Variants in UGT2B10 observed in about 807,000 individuals in gnomAD.
UGT2B10 encodes UDP-glucuronosyltransferase 2B10.
A neutral mutation model predicts 43.7 loss-of-function variants in UGT2B10; 51 were observed. That is an observed-to-expected ratio of 1.17 (90% CI 0.93 to 1.47). The LOEUF is 1.47. Ranked by LOEUF, UGT2B10 falls within the 40% of genes most tolerant of loss-of-function variation. The pLI, the probability that UGT2B10 is intolerant of heterozygous loss-of-function variation, is 0.00. For synonymous variants in UGT2B10, 225 were observed against 209.0 expected, an observed-to-expected ratio of 1.08 and a Z score of -0.66; for missense variants, 696 against 617.7, an observed-to-expected ratio of 1.13 and a Z score of -1.34.
intron 2 of UGT2B10, among the ~76,000 whole-genome samples, chr4:68,821,498 C>T (rs4694343): frequency 9.6e-4 from 146 of 152,246 alleles, no homozygotes; most frequent in Middle Eastern, 3.4e-3. Context: ...CAGGGCAATA[C>T]GTGCTCCACC....
intron 4 of UGT2B10, among the ~76,000 whole-genome samples, 156 bp downstream of exon 4, chr4:68,826,653 A>G (rs1209425093): frequency 1.3e-5 from 2 of 152,168 alleles, no homozygotes; most frequent in African/African-American, 2.4e-5. Flanking sequence ...AGAATATGTT[A>G]TAATTGTTGG....
chr4:68,821,046 C>T (rs1382536908), intron 2 of UGT2B10, among the ~76,000 whole-genome samples: 1 of 152,054 alleles, frequency 6.6e-6, no homozygotes. Flanking sequence ...CACACAATAC[C>T]TAGATGCCCC....
At chr4:68,830,100 G>A (rs1841042) in intron 5 of UGT2B10, among the ~76,000 whole-genome samples, 140,753 of 152,022 alleles carry the variant, frequency 0.93, 65,945 homozygotes, top group Non-Finnish European at 1. Flanking sequence ...CATCTTTCTT[G>A]CAGCACTTAA....
At position 68,826,503 on chromosome 4, in the gene UGT2B10, A is replaced by G; in HGVS notation, c.1087+6A>G. On this transcript the variant is annotated splice_donor_region_variant and intron_variant, in intron 4 of 5. Coordinates refer to ENST00000265403, the MANE Select transcript of UGT2B10 (RefSeq NM_001075.6). The stretch of plus-strand genomic sequence containing the variant: ...ACCCCAGAATGACCTTCTAGGTAAC[A>G]CTCTGGTGAACAATACTGGATATAT... 6.2e-7 allele frequency: 1 copy of G among 1,609,900 alleles called. No homozygotes were observed.
Position 68,816,355 on chromosome 4 carries a change from A to G in UGT2B10, c.336A>G (p.Gln112=). The G allele has an allele frequency of 6.2e-7, 1 of 1,613,198 alleles. No individual in the cohort carries two copies. Among genetic ancestry groups the G allele is most frequent in the Non-Finnish European group, 8.5e-7 (1 of 1,179,432 alleles). The change falls in exon 1 of 6, where the codon CAA becomes CAG. Residue 112 remains glutamine, a synonymous_variant. Coordinates refer to ENST00000265403, the MANE Select transcript of UGT2B10 (RefSeq NM_001075.6). ...DTFWLPFSQE[Q]EILWAINDII... ...TTTGGTTACCTTTTTCACAAGAACA[A>G]GAAATCCTGTGGGCAATTAATGACA...
intron 2 of UGT2B10, among the ~76,000 whole-genome samples, chr4:68,819,010 A>G (rs1231731234): frequency 6.6e-6 from 1 of 151,930 alleles, no homozygotes; most frequent in Non-Finnish European, 1.5e-5. Flanking sequence ...AGACCGAAAC[A>G]TTCAGGAAAT....
rs184114954 is a variant in UGT2B10, at chr4:68,828,996, T to C, written c.1307+1448T>C. ...AATCATAATTATGCATGCACTGTTA[T>C]CTCAGCAATTCTACTCTCAATTATA... On this transcript the variant is annotated intron_variant, in intron 5 of 5. Coordinates refer to ENST00000265403, the MANE Select transcript of UGT2B10 (RefSeq NM_001075.6). Among the ~76,000 whole-genome samples, 1,424 of 152,132 alleles carry C rather than the reference T, an allele frequency of 9.4e-3. 30 individuals are homozygous for C. Among genetic ancestry groups the C allele is most frequent in the South Asian group, 0.059 (282 of 4,820 alleles).
chr4:68,830,477 T>A, intron 5 of UGT2B10, 123 bp from the exon 6 acceptor site: 1 of 1,237,720 alleles, frequency 8.1e-7, no homozygotes, highest in Non-Finnish European at 1.1e-6. Flanking sequence ...ATACATAAAT[T>A]CTATATCAAT....
Position 68,830,617 on chromosome 4 carries a change from T to C in UGT2B10, c.1325T>C (p.Met442Thr). The change falls in exon 6 of 6, where the codon ATG (methionine) becomes ACG (threonine). Residue 442 changes from methionine to threonine, a missense_variant. Transcript: ENST00000265403. ...INDPSYKENI[M>T]KLSRIQHDQP... ...TCCTTCAGATATAAAGAGAATATTA[T>C]GAAATTATCAAGAATTCAACATGAT... is the stretch of plus-strand genomic sequence containing the variant. The C allele has an allele frequency of 2.5e-6, 4 of 1,612,414 alleles. No individual in the cohort carries two copies. Among genetic ancestry groups the C allele is most frequent in the Non-Finnish European group, 3.4e-6 (4 of 1,179,194 alleles).
rs1657781824 is a variant in UGT2B10 at position 68,829,684 on chromosome 4, A to G, written c.1308-916A>G. 3.3e-5 allele frequency among the ~76,000 whole-genome samples: 5 copies of G among 152,038 alleles called. No individual in the cohort carries two copies. The South Asian group carries it at 1.0e-3, about 31-fold the overall frequency. On this transcript the variant is annotated intron_variant, in intron 5 of 5. Transcript: ENST00000265403. ...GAAGCATGCCTTGGGTATAGCAAGAAAGAATACTCCAAGAGCGGGAGAGAA... is the reference window on the plus strand; with the variant it reads ...GAAGCATGCCTTGGGTATAGCAAGAGAGAATACTCCAAGAGCGGGAGAGAA...
intron 3 of UGT2B10, among the ~76,000 whole-genome samples, chr4:68,823,060 G>A (rs1737589954): frequency 6.6e-6 from 1 of 152,134 alleles, no homozygotes; most frequent in African/African-American, 2.4e-5. Flanking sequence ...AACAAATAGA[G>A]AAGACTGGCT....
At position 68,816,121 on chromosome 4, in the gene UGT2B10, T is replaced by A; in HGVS notation, c.102T>A (p.Leu34=). 6 of 1,613,254 alleles carry A rather than the reference T, an allele frequency of 3.7e-6. No individual in the cohort carries two copies. The highest frequency in any genetic ancestry group is 5.1e-6 in the Non-Finnish European group (6 of 1,179,432). The change falls in exon 1 of 6, where the codon CTT becomes CTA. Residue 34 remains leucine (L), a synonymous_variant. Transcript: ENST00000265403. ...KVLVWAAEYS[L]WMNMKTILKE... ...TGGTATGGGCCGCAGAATACAGCCT[T>A]TGGATGAATATGAAGACAATCCTGA...
chr4:68,817,943 G>A (rs1007947218), intron 1 of UGT2B10, 86 bp from the exon 2 acceptor site: 25 of 1,476,314 alleles, frequency 1.7e-5, no homozygotes, highest in Non-Finnish European at 2.1e-5. Flanking sequence ...CAACATTTTT[G>A]CCTGCATTAT....
At chr4:68,821,253 A>T (rs1437015639) in intron 2 of UGT2B10, among the ~76,000 whole-genome samples, 2 of 152,178 alleles carry the variant, frequency 1.3e-5, no homozygotes, top group African/African-American at 2.4e-5. Flanking sequence ...ATATTGGCAT[A>T]CATTGGGGAA....
At chr4:68,825,152 C>G (rs1352250657) in intron 3 of UGT2B10, among the ~76,000 whole-genome samples, 1 of 151,650 alleles carries the variant, frequency 6.6e-6, no homozygotes. Context: ...TCATATTACT[C>G]AAAAAGAAAC....
chr4:68,829,612 AG>A (rs1344522675), intron 5 of UGT2B10, among the ~76,000 whole-genome samples: 4 of 152,062 alleles, frequency 2.6e-5, no homozygotes, highest in African/African-American at 4.8e-5. Context: ...GGCCAGTAAA[AG>A]CCTCTCTTAG....
intron 4 of UGT2B10, among the ~76,000 whole-genome samples, chr4:68,826,704 A>C (rs1408221158): frequency 6.6e-6 from 1 of 152,154 alleles, no homozygotes; most frequent in African/African-American, 2.4e-5. Context: ...GGTCAGAATC[A>C]GAGGTAATCT....
At chr4:68,818,848 G>T (rs1737355537) in intron 2 of UGT2B10, among the ~76,000 whole-genome samples, 2 of 151,800 alleles carry the variant, frequency 1.3e-5, no homozygotes, top group African/African-American at 4.8e-5. Flanking sequence ...GTAAATTAGA[G>T]CCAGATACGT....
At chr4:68,819,404 G>T (rs1178810759) in intron 2 of UGT2B10, among the ~76,000 whole-genome samples, 3 of 151,910 alleles carry the variant, frequency 2.0e-5, no homozygotes, top group Non-Finnish European at 4.4e-5. Context: ...TAAGCTAGTT[G>T]AAATTTTAAA....
Sources: allele counts gnomAD v4.1 joint callset (sites outside exome capture counted in the v4.1 genomes callset), GRCh38; gene constraint gnomAD v4.1.1; transcripts MANE v1.5; gene names NCBI Gene and HGNC (gene_info 2026-07-23, HGNC 2026-07-21).